The following CLCN5 variants were observed in gnomAD, a reference collection of about 807,000 sequenced individuals.
CLCN5 encodes the protein H(+)/Cl(-) exchange transporter 5.
CLCN5 carries 17 observed loss-of-function variants against 54.0 expected under a neutral mutation model. The observed-to-expected ratio is 0.31, with a 90% CI of 0.22 to 0.47. The LOEUF is 0.47. CLCN5 is among the 20% of genes least tolerant of loss of function. CLCN5 has a pLI of 1.00. For synonymous variants in CLCN5, 222 were observed against 233.0 expected (o/e 0.95, Z 0.43); for missense variants, 448 against 646.7 (o/e 0.69, Z 3.33).
At chrX:50,037,142 A>G (rs782705000) in intron 3 of CLCN5, among the ~76,000 whole-genome samples, 7 of 111,923 alleles carry the variant, frequency 6.3e-5, no homozygotes, top group East Asian at 5.6e-4. Flanking sequence ...TTGTCCTGCT[A>G]TTAAGGTTAA....
chrX:50,080,382 T>C (rs1557192871), intron 7 of CLCN5, among the ~76,000 whole-genome samples: 1 of 111,670 alleles, frequency 9.0e-6, no homozygotes, highest in African/African-American at 3.3e-5. Context: ...TAAATTTCCT[T>C]TGGGTGTAGC....
Position 49,999,722 on chromosome X carries a change from A to G in CLCN5, c.17-42594A>G, listed in dbSNP as rs1557180082. 2.7e-5 allele frequency among the ~76,000 whole-genome samples: 3 copies of G among 111,803 alleles called. No homozygotes were observed. The South Asian group carries it at 1.1e-3, about 42-fold the overall frequency. ...GTTTAAAGACTAAAGAAAAAGTGTC[A>G]GTGTGAACACATATTTGGCTCTTTT... On this transcript the variant is annotated intron_variant, in intron 3 of 14. Transcript: ENST00000376091.
At chrX:50,054,010 G>T (rs1932668306) in intron 4 of CLCN5, among the ~76,000 whole-genome samples, 1 of 110,809 alleles carries the variant, frequency 9.0e-6, no homozygotes, top group East Asian at 2.8e-4. Context: ...CCTCTAGAGA[G>T]TCTGTGTCTT....
intron 3 of CLCN5, among the ~76,000 whole-genome samples, chrX:50,018,324 G>A (rs1930890781): frequency 8.9e-6 from 1 of 111,995 alleles, no homozygotes; most frequent in African/African-American, 3.2e-5. Flanking sequence ...CTTATATTCT[G>A]CAACCTTGCT....
intron 3 of CLCN5, among the ~76,000 whole-genome samples, chrX:50,006,303 A>T (rs1177107042): frequency 1.8e-5 from 2 of 112,498 alleles, no homozygotes; most frequent in Non-Finnish European, 3.8e-5. Context: ...AGTTGGGTAC[A>T]TATGCTGACA....
intron 3 of CLCN5, among the ~76,000 whole-genome samples, chrX:49,960,077 C>A (rs936707799): frequency 9.0e-6 from 1 of 111,225 alleles, no homozygotes; most frequent in Non-Finnish European, 1.9e-5. Context: ...TCCCCTTTCT[C>A]CCAGGAAGTT....
At chrX:50,008,346 C>A (rs1164023749) in intron 3 of CLCN5, 1 of 265,032 alleles carries the variant, frequency 3.8e-6, no homozygotes, top group Non-Finnish European at 8.3e-6. Flanking sequence ...GAACTGTTCT[C>A]TTTACTTCTA....
intron 3 of CLCN5, among the ~76,000 whole-genome samples, chrX:49,977,024 T>C (rs923203401): frequency 1.8e-5 from 2 of 111,742 alleles, no homozygotes; most frequent in African/African-American, 6.5e-5. Flanking sequence ...AAAGGTCTCT[T>C]TTAGCGGAAT....
chrX:49,995,048 T>C (rs781899687), intron 3 of CLCN5, among the ~76,000 whole-genome samples: 1 of 111,751 alleles, frequency 8.9e-6, no homozygotes, highest in Admixed American at 9.5e-5. Flanking sequence ...TCAATATATC[T>C]TGCCTCCTGG....
At chrX:50,065,058 C>G (rs1202354805) in intron 4 of CLCN5, among the ~76,000 whole-genome samples, 2 of 106,847 alleles carry the variant, frequency 1.9e-5, no homozygotes, top group Non-Finnish European at 3.9e-5. Flanking sequence ...CATAAAAACC[C>G]TAGAAGAAAA....
chrX:49,956,069 T>C (rs1421867340), intron 3 of CLCN5, among the ~76,000 whole-genome samples: 3 of 112,306 alleles, frequency 2.7e-5, no homozygotes, highest in Non-Finnish European at 5.6e-5. Flanking sequence ...ACCAGTCTGC[T>C]TTAGGACATT....
chrX:50,091,648 C>T, intron 14 of CLCN5, among the ~76,000 whole-genome samples: 1 of 111,700 alleles, frequency 9.0e-6, no homozygotes, highest in Middle Eastern at 4.7e-3. Context: ...ATTAATAAGA[C>T]CCTTCTGTGC....
chrX:50,057,962 A>G (rs923909381), intron 4 of CLCN5, among the ~76,000 whole-genome samples: 1 of 111,043 alleles, frequency 9.0e-6, no homozygotes, highest in Non-Finnish European at 1.9e-5. Context: ...CGGGTATGGA[A>G]GTAAGAAGTG....
At chrX:49,968,775 A>G (rs367916323) in intron 3 of CLCN5, among the ~76,000 whole-genome samples, 5 of 64,159 alleles carry the variant, frequency 7.8e-5, no homozygotes, top group Admixed American at 1.7e-4. Flanking sequence ...TTCATGTCCA[A>G]AACACCAAAA....
In CLCN5 at chrX:50,028,523, C is replaced by A. The variant is rs138180438; in HGVS notation, c.17-13793C>A. 7.2e-3 allele frequency among the ~76,000 whole-genome samples: 806 copies of A among 111,810 alleles called. 12 individuals carry two copies. Among genetic ancestry groups the A allele is most frequent in the African/African-American group, 0.025 (783 of 30,749 alleles). The stretch of plus-strand genomic sequence containing the variant: ...CCCAGAGAACCTAAACTGTAAGTTT[C>A]TGTTTGTGTTCCTATGGAGGTTTCT... On this transcript the variant is annotated intron_variant, in intron 3 of 14. Coordinates refer to ENST00000376091, the MANE Select transcript of CLCN5 (RefSeq NM_001127898.4).
At position 49,993,661 on chromosome X, in the gene CLCN5, C is replaced by T. The variant is rs189496389; in HGVS notation, c.17-48655C>T. The stretch of plus-strand genomic sequence containing the variant: ...TGTTGTGCTTATTATTCAATGAGAA[C>T]ACAATAAAGTAGTGAGTGGCATTGT... On this transcript the variant is annotated intron_variant, in intron 3 of 14. Coordinates refer to ENST00000376091, the MANE Select transcript of CLCN5 (RefSeq NM_001127898.4). 2.7e-5 allele frequency among the ~76,000 whole-genome samples: 3 copies of T among 112,379 alleles called. No individual in the cohort carries two copies. In the East Asian group the frequency reaches 8.3e-4, roughly 31 times the overall value.
intron 6 of CLCN5, among the ~76,000 whole-genome samples, chrX:50,073,664 T>C (rs1933305989): frequency 8.9e-6 from 1 of 111,897 alleles, no homozygotes; most frequent in African/African-American, 3.2e-5. Context: ...AAATGAAGAA[T>C]GGCTTATCTA....
chrX:49,959,019 G>T (rs1217746801), intron 3 of CLCN5, among the ~76,000 whole-genome samples: 1 of 109,071 alleles, frequency 9.2e-6, no homozygotes, highest in Non-Finnish European at 1.9e-5. Flanking sequence ...AGCTTATGTT[G>T]TGTTCTTTAG....
intron 3 of CLCN5, among the ~76,000 whole-genome samples, chrX:49,942,490 G>C (rs1557171158): frequency 9.2e-6 from 1 of 108,535 alleles, no homozygotes; most frequent in Non-Finnish European, 1.9e-5. Flanking sequence ...TGCCATGTTG[G>C]TGTGCTGCAC....
Sources: allele counts gnomAD v4.1 joint callset (sites outside exome capture counted in the v4.1 genomes callset), GRCh38; gene constraint gnomAD v4.1.1; transcripts MANE v1.5; gene names NCBI Gene and HGNC (gene_info 2026-07-23, HGNC 2026-07-21).